ZSWIM6: variants seen among roughly 807,000 people sequenced by gnomAD.
ZSWIM6 encodes zinc finger SWIM-type containing 6.
In ZSWIM6, 9 loss-of-function variants were observed where a neutral mutation model predicts 113.2. The ratio of observed to expected loss-of-function variants is 0.08; its 90% CI spans 0.05 to 0.14. ZSWIM6 has a LOEUF of 0.14. ZSWIM6 is among the 10% of genes least tolerant of loss of function. The pLI, the probability that ZSWIM6 is intolerant of heterozygous loss-of-function variation, is 1.00. For synonymous variants in ZSWIM6, 611 were observed against 606.5 expected, an observed-to-expected ratio of 1.01 and a Z score of -0.11; for missense variants, 1,162 against 1,552.2, an observed-to-expected ratio of 0.75 and a Z score of 4.22.
intron 1 of ZSWIM6, among the ~76,000 whole-genome samples, chr5:61,348,718 A>C (rs1744720672): frequency 6.6e-6 from 1 of 152,182 alleles, no homozygotes; most frequent in Non-Finnish European, 1.5e-5. Context: ...CAACTCTTTC[A>C]GGAAGCCTTA....
chr5:61,506,888 G>A (rs1373049337), intron 4 of ZSWIM6, among the ~76,000 whole-genome samples: 2 of 152,212 alleles, frequency 1.3e-5, no homozygotes, highest in South Asian at 2.1e-4. Context: ...TAATAGCCGT[G>A]GAAGCCTGGG....
chr5:61,469,739 G>A (rs773325249), intron 1 of ZSWIM6, among the ~76,000 whole-genome samples: 1 of 151,404 alleles, frequency 6.6e-6, no homozygotes, highest in Non-Finnish European at 1.5e-5. Context: ...TCACTCTGTC[G>A]CCCAGGCTGG....
intron 1 of ZSWIM6, among the ~76,000 whole-genome samples, chr5:61,420,823 T>A (rs530386849): frequency 6.6e-6 from 1 of 152,312 alleles, no homozygotes; most frequent in East Asian, 1.9e-4. Context: ...GCAATCCTGT[T>A]ATACTCTTTT....
intron 3 of ZSWIM6, 51 bp from the exon 4 acceptor site, chr5:61,494,209 G>A: frequency 6.5e-7 from 1 of 1,535,754 alleles, no homozygotes; most frequent in Non-Finnish European, 8.8e-7. Flanking sequence ...GTGGGGTTTT[G>A]TTGTGTTTTC....
At chr5:61,463,933 C>A (rs536857966) in intron 1 of ZSWIM6, among the ~76,000 whole-genome samples, 5 of 152,216 alleles carry the variant, frequency 3.3e-5, no homozygotes, top group African/African-American at 1.2e-4. Context: ...AGCTTCTCAA[C>A]CCTAGCAGAG....
At chr5:61,351,771 C>T (rs962726978) in intron 1 of ZSWIM6, among the ~76,000 whole-genome samples, 2 of 152,178 alleles carry the variant, frequency 1.3e-5, no homozygotes, top group South Asian at 4.1e-4. Flanking sequence ...CATTTCCCCC[C>T]TTTCTGACCT....
intron 1 of ZSWIM6, among the ~76,000 whole-genome samples, chr5:61,350,840 C>T (rs185413211): frequency 1.2e-3 from 188 of 152,228 alleles, no homozygotes; most frequent in African/African-American, 4.1e-3. Context: ...TCACCTCTGT[C>T]GTAAGGCTGC....
intron 4 of ZSWIM6, among the ~76,000 whole-genome samples, chr5:61,502,807 G>C (rs1442174981): frequency 6.6e-6 from 1 of 152,176 alleles, no homozygotes; most frequent in African/African-American, 2.4e-5. Context: ...CTGCACACAT[G>C]AGGGATCGAG....
intron 1 of ZSWIM6, among the ~76,000 whole-genome samples, chr5:61,376,991 G>A (rs1745385782): frequency 6.6e-6 from 1 of 151,200 alleles, no homozygotes; most frequent in African/African-American, 2.4e-5. Flanking sequence ...CTGGTATGCT[G>A]TGTCTTATTG....
chr5:61,424,071 A>G (rs1165064964), intron 1 of ZSWIM6, among the ~76,000 whole-genome samples: 3 of 152,242 alleles, frequency 2.0e-5, no homozygotes, highest in African/African-American at 7.2e-5. Flanking sequence ...CTATCTCAAA[A>G]GTACAGTTCT....
intron 1 of ZSWIM6, among the ~76,000 whole-genome samples, chr5:61,432,265 C>G (rs556297356): frequency 6.6e-6 from 1 of 152,118 alleles, no homozygotes; most frequent in African/African-American, 2.4e-5. Context: ...TATACACAAC[C>G]GTTAAATGGA....
At chr5:61,413,882 C>G (rs1746193979) in intron 1 of ZSWIM6, among the ~76,000 whole-genome samples, 2 of 139,350 alleles carry the variant, frequency 1.4e-5, no homozygotes, top group South Asian at 2.3e-4. Flanking sequence ...TTGTTTTTTT[C>G]TTGGAAATTA....
At chr5:61,371,540 G>A (rs1441959994) in intron 1 of ZSWIM6, among the ~76,000 whole-genome samples, 1 of 152,194 alleles carries the variant, frequency 6.6e-6, no homozygotes, top group Non-Finnish European at 1.5e-5. Flanking sequence ...TTTGGGTATT[G>A]TAAGAGAGTT....
At chr5:61,514,406 G>A (rs1415304914) in intron 4 of ZSWIM6, among the ~76,000 whole-genome samples, 1 of 151,706 alleles carries the variant, frequency 6.6e-6, no homozygotes, top group African/African-American at 2.4e-5. Context: ...AATTTCCAGT[G>A]TGATGCTGAA....
chr5:61,445,497 C>T (rs748888975), intron 1 of ZSWIM6, among the ~76,000 whole-genome samples: 10 of 152,182 alleles, frequency 6.6e-5, no homozygotes, highest in South Asian at 4.2e-4. Context: ...AGTGATAAAA[C>T]GCTTGGGATA....
chr5:61,362,782 G>GC, intron 1 of ZSWIM6, among the ~76,000 whole-genome samples: 1 of 152,232 alleles, frequency 6.6e-6, no homozygotes, highest in East Asian at 1.9e-4. Flanking sequence ...CTGATTGCTT[G>GC]CTTATCTTTT....
intron 1 of ZSWIM6, among the ~76,000 whole-genome samples, chr5:61,339,475 G>A (rs906772468): frequency 6.6e-6 from 1 of 151,946 alleles, no homozygotes; most frequent in African/African-American, 2.4e-5. Flanking sequence ...TTTTGTGTTA[G>A]ACTGTAAATT....
intron 5 of ZSWIM6, among the ~76,000 whole-genome samples, chr5:61,523,852 TA>T (rs1749205512): frequency 6.6e-6 from 1 of 152,212 alleles, no homozygotes; most frequent in South Asian, 2.1e-4. Context: ...GTTAAAAGCC[TA>T]GTGTGTGTAC....
At chr5:61,526,500 T>TC in intron 7 of ZSWIM6, 104 bp downstream of exon 7, 3 of 1,290,228 alleles carry the variant, frequency 2.3e-6, no homozygotes, top group Non-Finnish European at 3.2e-6. Context: ...AAACCATAGA[T>TC]GATGGCTTTA....
Sources: allele counts gnomAD v4.1 joint callset (sites outside exome capture counted in the v4.1 genomes callset), GRCh38; gene constraint gnomAD v4.1.1; transcripts MANE v1.5; gene names NCBI Gene and HGNC (gene_info 2026-07-23, HGNC 2026-07-21).